The following PRDM9 variants were observed in gnomAD, a reference collection of about 807,000 sequenced individuals.
The protein encoded by PRDM9 is PR/SET domain 9, also known as histone-lysine N-methyltransferase PRDM9.
PRDM9 carries 47 observed loss-of-function variants against 55.6 expected under a neutral mutation model. The ratio of observed to expected loss-of-function variants is 0.85; its 90% CI spans 0.67 to 1.08. PRDM9 has a LOEUF of 1.08. Among genes scored for constraint, PRDM9 ranks in the 50% least tolerant of loss-of-function variants. The probability of loss-of-function intolerance (pLI) is 0.00; values close to 1 mark genes in which losing one functional copy is unlikely to be tolerated. For missense variants in PRDM9, 867 were observed against 1,040.3 expected, an observed-to-expected ratio of 0.83 and a Z score of 2.29; for synonymous variants, 312 against 375.7, an observed-to-expected ratio of 0.83 and a Z score of 1.96.
intron 4 of PRDM9, among the ~76,000 whole-genome samples, chr5:23,516,042 A>C (rs2126416731): frequency 6.6e-6 from 1 of 152,304 alleles, no homozygotes; most frequent in South Asian, 2.1e-4. Flanking sequence ...CCTTTTCTGA[A>C]AATAATGGCA....
In PRDM9 at chr5:23,522,357, G is replaced by C. The variant is rs369637146; in HGVS notation, c.562G>C (p.Gly188Arg). 1.8e-5 allele frequency: 29 copies of C among 1,613,970 alleles called. No homozygotes were observed. Among genetic ancestry groups the C allele is most frequent in the Non-Finnish European group, 2.5e-5 (29 of 1,180,026 alleles). The change falls in exon 7 of 11, where the codon GGT (glycine) becomes CGT (arginine). Residue 188 changes from glycine (G) to arginine (R), a missense_variant. Around this residue, in one of 5 missense-constraint regions of PRDM9, gnomAD observed 662 missense variants for 711.9 expected, o/e 0.93. Coordinates refer to ENST00000296682, the MANE Select transcript of PRDM9 (RefSeq NM_020227.4). ...RKMYSLRERK[G>R]HAYKEVSEPQ... ...GATGTATAGCCTGCGAGAAAGAAAGGGTCATGCATACAAAGAGGTCAGCGA... is the reference window on the plus strand; with the variant it reads ...GATGTATAGCCTGCGAGAAAGAAAGCGTCATGCATACAAAGAGGTCAGCGA...
At chr5:23,509,873 T>C in intron 3 of PRDM9, 47 bp from the exon 4 acceptor site, 2 of 1,604,416 alleles carry the variant, frequency 1.2e-6, no homozygotes, top group Admixed American at 3.3e-5. Context: ...CCTTTGTTCC[T>C]TCTCCCAGCT....
intron 4 of PRDM9, among the ~76,000 whole-genome samples, chr5:23,514,555 TCTC>T (rs1170306428): frequency 8.6e-5 from 13 of 152,004 alleles, no homozygotes; most frequent in Admixed American, 8.5e-4. Context: ...TTCAAGCAAT[TCTC>T]CTGCCTCAGC....
At chr5:23,511,296 T>C (rs993335725) in intron 4 of PRDM9, among the ~76,000 whole-genome samples, 1 of 152,182 alleles carries the variant, frequency 6.6e-6, no homozygotes, top group East Asian at 1.9e-4. Context: ...AGACAGTATA[T>C]ACAGTAAGAG....
chr5:23,509,238 TG>T, intron 2 of PRDM9, 136 bp downstream of exon 2: 1 of 1,349,466 alleles, frequency 7.4e-7, no homozygotes, highest in Non-Finnish European at 1.0e-6. Context: ...GGCCAGGACA[TG>T]GGGGAGAAAA....
At chr5:23,522,233 A>G in intron 6 of PRDM9, 71 bp from the exon 7 acceptor site, 1 of 1,304,186 alleles carries the variant, frequency 7.7e-7, no homozygotes, top group Non-Finnish European at 1.1e-6. Flanking sequence ...GGTAGATTTC[A>G]CATTTTCTTA....
intron 1 of PRDM9, among the ~76,000 whole-genome samples, chr5:23,508,619 CTCCT>C (rs1342986829): frequency 5.9e-5 from 9 of 152,174 alleles, no homozygotes; most frequent in Admixed American, 2.0e-4. Flanking sequence ...GCCTCAAGGT[CTCCT>C]TGGGACTCCT....
At chr5:23,513,873 C>T (rs753938999) in intron 4 of PRDM9, among the ~76,000 whole-genome samples, 11 of 151,918 alleles carry the variant, frequency 7.2e-5, no homozygotes, top group Non-Finnish European at 1.0e-4. Context: ...AACGAGACGC[C>T]GTGTCAAAAC....
intron 6 of PRDM9, 70 bp from the exon 7 acceptor site, chr5:23,522,234 C>A: frequency 7.6e-7 from 1 of 1,317,274 alleles, no homozygotes; most frequent in Non-Finnish European, 1.1e-6. Context: ...GTAGATTTCA[C>A]ATTTTCTTAT....
chr5:23,517,289 A>G (rs1181974851), intron 4 of PRDM9, among the ~76,000 whole-genome samples: 3 of 152,106 alleles, frequency 2.0e-5, no homozygotes, highest in Non-Finnish European at 2.9e-5. Context: ...TTAATGTACT[A>G]GATACCTTAT....
intron 3 of PRDM9, 79 bp downstream of exon 3, chr5:23,509,672 G>C: frequency 6.2e-7 from 1 of 1,608,038 alleles, no homozygotes; most frequent in Non-Finnish European, 8.5e-7. Flanking sequence ...TTAGTTCTCA[G>C]GTGGTGGCAT....
chr5:23,514,339 T>C (rs1739158386), intron 4 of PRDM9, among the ~76,000 whole-genome samples: 2 of 152,206 alleles, frequency 1.3e-5, no homozygotes, highest in South Asian at 4.1e-4. Flanking sequence ...GGTCTCTTCC[T>C]GACTTGTGGG....
intron 4 of PRDM9, among the ~76,000 whole-genome samples, chr5:23,511,748 A>G (rs1489409425): frequency 6.6e-6 from 1 of 152,238 alleles, no homozygotes; most frequent in Non-Finnish European, 1.5e-5. Flanking sequence ...TGCCAAATTC[A>G]GAACATTTAT....
chr5:23,518,073 A>C, intron 5 of PRDM9, 143 bp downstream of exon 5: 1 of 780,334 alleles, frequency 1.3e-6, no homozygotes, highest in Non-Finnish European at 2.3e-6. Flanking sequence ...CATCATCATT[A>C]TTTTAAGAGT....
intron 4 of PRDM9, among the ~76,000 whole-genome samples, chr5:23,510,848 T>G (rs984089731): frequency 2.0e-5 from 3 of 151,646 alleles, no homozygotes; most frequent in African/African-American, 7.3e-5. Context: ...CCAGGAAGAT[T>G]TAGAAGTGAC....
intron 9 of PRDM9, 74 bp downstream of exon 9, chr5:23,523,432 T>C: frequency 1.4e-6 from 2 of 1,457,646 alleles, no homozygotes; most frequent in Non-Finnish European, 1.9e-6. Context: ...TCCTTATCAT[T>C]ATGCCTCCCT....
At chr5:23,513,060 A>G (rs899380678) in intron 4 of PRDM9, among the ~76,000 whole-genome samples, 1 of 152,150 alleles carries the variant, frequency 6.6e-6, no homozygotes, top group Admixed American at 6.5e-5. Flanking sequence ...CCTCTTGTCT[A>G]TTGTGAGTAA....
At chr5:23,521,331 A>G (rs1739324851) in intron 6 of PRDM9, 152 bp downstream of exon 6, 1 of 893,670 alleles carries the variant, frequency 1.1e-6, no homozygotes, top group Non-Finnish European at 1.7e-6. Context: ...GTATTTTGTT[A>G]AAATTATTTA....
At position 23,517,864 on chromosome 5, in the gene PRDM9, T is replaced by A. The variant is rs1442601576; in HGVS notation, c.302-17T>A. 6.4e-7 allele frequency: 1 copy of A among 1,571,426 alleles called. No homozygotes were observed. Among genetic ancestry groups the A allele is most frequent in the Non-Finnish European group, 8.8e-7 (1 of 1,141,272 alleles). On this transcript the variant is annotated splice_polypyrimidine_tract_variant and intron_variant, in intron 4 of 10. Transcript: ENST00000296682. The stretch of plus-strand genomic sequence containing the variant: ...AACATTTACCAACCAAACCACTGAT[T>A]TCTCATCACCTTTTAGTCAAACCTC...
Sources: allele counts gnomAD v4.1 joint callset (sites outside exome capture counted in the v4.1 genomes callset), GRCh38; gene constraint gnomAD v4.1.1; regional missense constraint gnomAD v4.1.1; transcripts MANE v1.5; gene names NCBI Gene and HGNC (gene_info 2026-07-23, HGNC 2026-07-21).